The following SLC25A17 variants were observed in gnomAD, a reference collection of about 807,000 sequenced individuals.
The protein encoded by SLC25A17 is peroxisomal membrane protein PMP34.
A neutral mutation model predicts 38.5 loss-of-function variants in SLC25A17; 26 were observed. The ratio of observed to expected loss-of-function variants is 0.68; its 90% confidence interval spans 0.50 to 0.94. SLC25A17 has a LOEUF of 0.94. SLC25A17 is among the 40% of genes least tolerant of loss of function. SLC25A17 has a pLI of 0.00. For synonymous variants in SLC25A17, 139 were observed against 136.2 expected, an observed-to-expected ratio of 1.02 and a Z score of -0.14; for missense variants, 333 against 372.7, an observed-to-expected ratio of 0.89 and a Z score of 0.88.
intron 8 of SLC25A17, 94 bp from the exon 9 acceptor site, chr22:40,771,075 G>A: frequency 9.1e-7 from 1 of 1,099,322 alleles, no homozygotes; most frequent in Admixed American, 2.6e-5. Context: ...AAGCAATAGA[G>A]GTTTTAGATT....
rs964603528 is a variant in SLC25A17, at chr22:40,819,053, T to C, written c.54+142A>G. 7 of 856,534 alleles carry C rather than the reference T, an allele frequency of 8.2e-6. No individual in the cohort carries two copies. In the African/African-American group the frequency reaches 1.2e-4, roughly 15 times the overall value. 53.1% of individuals were successfully genotyped at this position (856,534 alleles called of 1,614,324 possible). A position where few individuals can be genotyped will look rare whatever the true frequency, so the allele number is the denominator to read the frequency against. ...CCAACAACTTTCCGCCAATGGCCCA[T>C]TCCTCTCTGCCCCACAGTCATGACA... On this transcript the variant is annotated intron_variant, in intron 1 of 8. Coordinates refer to ENST00000435456, the MANE Select transcript of SLC25A17 (RefSeq NM_006358.4).
intron 7 of SLC25A17, among the ~76,000 whole-genome samples, chr22:40,776,515 G>A (rs1425718923): frequency 6.6e-6 from 1 of 152,184 alleles, no homozygotes; most frequent in African/African-American, 2.4e-5. Flanking sequence ...TGTGTTTTCT[G>A]AGACATTATG....
intron 1 of SLC25A17, among the ~76,000 whole-genome samples, chr22:40,809,403 C>T (rs186672974): frequency 6.6e-6 from 1 of 151,520 alleles, no homozygotes; most frequent in Non-Finnish European, 1.5e-5. Context: ...TTGCTTGAGC[C>T]CAGGAGTTCG....
At chr22:40,814,948 T>C (rs996479736) in intron 1 of SLC25A17, among the ~76,000 whole-genome samples, 2 of 151,568 alleles carry the variant, frequency 1.3e-5, no homozygotes, top group African/African-American at 4.9e-5. Flanking sequence ...GCCTCCCGAG[T>C]AGCTGGGACT....
chr22:40,770,688 C>T lies in SLC25A17; in HGVS notation c.*146G>A, dbSNP rs2057172440. 2 of 730,286 alleles carry T rather than the reference C, an allele frequency of 2.7e-6. No homozygotes were observed. The highest frequency in any genetic ancestry group is 6.0e-5 in the East Asian group (2 of 33,062). 45.2% of individuals were successfully genotyped at this position (730,286 alleles called of 1,614,324 possible). On this transcript the variant is annotated 3_prime_UTR_variant, in exon 9 of 9. Coordinates refer to ENST00000435456, the MANE Select transcript of SLC25A17 (RefSeq NM_006358.4). Reference sequence around the variant, plus strand: ...GTGACAACAGGTCCAGTTGGCCATACTCCCTGTGCACCCTTGGATGCTTTT... The same window carrying T: ...GTGACAACAGGTCCAGTTGGCCATATTCCCTGTGCACCCTTGGATGCTTTT...
chr22:40,787,460 A>G (rs1304200138), intron 4 of SLC25A17, among the ~76,000 whole-genome samples: 1 of 152,174 alleles, frequency 6.6e-6, no homozygotes, highest in Non-Finnish European at 1.5e-5. Flanking sequence ...TACCTGTTAC[A>G]AGGGCTCAGC....
chr22:40,805,959 T>G (rs1383784702), intron 1 of SLC25A17, among the ~76,000 whole-genome samples: 1 of 152,244 alleles, frequency 6.6e-6, no homozygotes, highest in Non-Finnish European at 1.5e-5. Flanking sequence ...GGGCCAGCTT[T>G]CAGGTTGACT....
chr22:40,819,294 C>T lies in SLC25A17; in HGVS notation c.-46G>A. On this transcript the variant is annotated 5_prime_UTR_variant, in exon 1 of 9. Transcript: ENST00000435456. ...CCAGCCACACTTTTCCCACAGATGC[C>T]GCAGCCAGTGGAGTTAGGAAAGGAG... 1.2e-6 allele frequency: 2 copies of T among 1,608,258 alleles called. No homozygotes were observed. Among genetic ancestry groups the T allele is most frequent in the Non-Finnish European group, 8.5e-7 (1 of 1,175,552 alleles).
chr22:40,790,524 GT>G (rs1178622931), intron 4 of SLC25A17, among the ~76,000 whole-genome samples: 2 of 151,688 alleles, frequency 1.3e-5, no homozygotes, highest in African/African-American at 4.8e-5. Context: ...GTGGAAAAAA[GT>G]AAAAAATGAA....
intron 4 of SLC25A17, among the ~76,000 whole-genome samples, chr22:40,790,234 A>G (rs1377410308): frequency 2.0e-5 from 3 of 150,848 alleles, no homozygotes; most frequent in African/African-American, 4.9e-5. Context: ...CCAGCTACTC[A>G]GGTGGCTGAG....
At chr22:40,777,495 T>C in intron 5 of SLC25A17, 122 bp from the exon 6 acceptor site, 1 of 1,191,574 alleles carries the variant, frequency 8.4e-7, no homozygotes, top group Non-Finnish European at 1.2e-6. Flanking sequence ...AAAGATTTCC[T>C]TCTTGCAGCC....
chr22:40,796,358 G>A (rs1220717166), intron 2 of SLC25A17, among the ~76,000 whole-genome samples: 1 of 152,060 alleles, frequency 6.6e-6, no homozygotes, highest in Non-Finnish European at 1.5e-5. Context: ...GCAATCTGAG[G>A]CTGGGCATGG....
At chr22:40,814,141 G>C (rs2057610694) in intron 1 of SLC25A17, among the ~76,000 whole-genome samples, 1 of 152,128 alleles carries the variant, frequency 6.6e-6, no homozygotes, top group South Asian at 2.1e-4. Context: ...TCCAGATAAA[G>C]ACACAACCAA....
At chr22:40,817,372 G>T (rs1349396620) in intron 1 of SLC25A17, 1 of 152,174 alleles carries the variant, frequency 6.6e-6, no homozygotes, top group Non-Finnish European at 1.5e-5. Flanking sequence ...CCTCTTAATG[G>T]TTAGCCTGCT....
At chr22:40,779,417 C>A in intron 4 of SLC25A17, 1 of 648,896 alleles carries the variant, frequency 1.5e-6, no homozygotes, top group Non-Finnish European at 2.5e-6. Flanking sequence ...ATATACCATT[C>A]AAAGTAGCAA....
intron 4 of SLC25A17, 111 bp downstream of exon 4, chr22:40,792,414 G>C (rs2057392057): frequency 2.4e-6 from 2 of 847,362 alleles, no homozygotes; most frequent in Non-Finnish European, 3.4e-6. Context: ...AACCAAGTTG[G>C]AAAACTGGCT....
intron 5 of SLC25A17, among the ~76,000 whole-genome samples, chr22:40,777,678 G>A (rs1025053642): frequency 2.0e-5 from 3 of 151,808 alleles, no homozygotes; most frequent in Non-Finnish European, 4.4e-5. Flanking sequence ...GCTACTTGGG[G>A]GGCTGAGGCA....
In SLC25A17 at chr22:40,774,149, A is replaced by G. The variant is rs1373408285; in HGVS notation, c.694-130T>C. ...TTAATAAATTTATCCAATTAGTACCATAGATTTCATTAATCCTGTATTTTT... is the reference window on the plus strand; with the variant it reads ...TTAATAAATTTATCCAATTAGTACCGTAGATTTCATTAATCCTGTATTTTT... On this transcript the variant is annotated intron_variant, in intron 7 of 8. Coordinates refer to ENST00000435456, the MANE Select transcript of SLC25A17 (RefSeq NM_006358.4). 1.3e-4 allele frequency: 76 copies of G among 564,104 alleles called. No homozygotes were observed. The South Asian group carries it at 1.7e-3, about 13-fold the overall frequency. The allele number at this position is 564,104 out of a possible 1,614,324, so 34.9% of individuals were successfully genotyped here. A position where few individuals can be genotyped will look rare whatever the true frequency, so the allele number is the denominator to read the frequency against.
chr22:40,785,071 G>A (rs1021026496), intron 4 of SLC25A17, among the ~76,000 whole-genome samples: 16 of 152,100 alleles, frequency 1.1e-4, no homozygotes, highest in African/African-American at 3.6e-4. Flanking sequence ...CCCAATTTGC[G>A]AATTGTTCTT....
Sources: allele counts gnomAD v4.1 joint callset (sites outside exome capture counted in the v4.1 genomes callset), GRCh38; gene constraint gnomAD v4.1.1; transcripts MANE v1.5; gene names NCBI Gene and HGNC (gene_info 2026-07-23, HGNC 2026-07-21).